NAV2: variants seen among roughly 807,000 people sequenced by gnomAD.
The protein encoded by NAV2 is neuron navigator 2.
A neutral mutation model predicts 223.2 loss-of-function variants in NAV2; 54 were observed. That is an observed-to-expected ratio of 0.24 (90% CI 0.19 to 0.30). The LOEUF is 0.30. Among genes scored for constraint, NAV2 ranks in the 10% least tolerant of loss-of-function variants. The pLI, the probability that NAV2 is intolerant of heterozygous loss-of-function variation, is 1.00. For synonymous variants in NAV2, 1,279 were observed against 1,239.3 expected, an observed-to-expected ratio of 1.03 and a Z score of -0.67; for missense variants, 2,806 against 3,147.5, an observed-to-expected ratio of 0.89 and a Z score of 2.60.
chr11:19,748,222 A>G (rs1258022759), intron 1 of NAV2, among the ~76,000 whole-genome samples: 1 of 152,142 alleles, frequency 6.6e-6, no homozygotes, highest in Non-Finnish European at 1.5e-5. Context: ...GTGCCCTGGG[A>G]TTTTCACATC....
At chr11:19,491,290 G>A (rs573475604) in intron 1 of NAV2, among the ~76,000 whole-genome samples, 18 of 152,292 alleles carry the variant, frequency 1.2e-4, no homozygotes, top group African/African-American at 3.6e-4. Flanking sequence ...CTCCTCTCTA[G>A]CTATGAAAGT....
chr11:19,584,736 C>T (rs1326030063), intron 1 of NAV2, among the ~76,000 whole-genome samples: 1 of 152,168 alleles, frequency 6.6e-6, no homozygotes, highest in Non-Finnish European at 1.5e-5. Flanking sequence ...GCACTGTGGT[C>T]TGAGAGACAG....
At chr11:20,041,664 C>T (rs2056927728) in intron 12 of NAV2, among the ~76,000 whole-genome samples, 1 of 152,144 alleles carries the variant, frequency 6.6e-6, no homozygotes, top group Non-Finnish European at 1.5e-5. Flanking sequence ...TTGTTCATTG[C>T]AGTATTCCTA....
rs115815919 is a variant in NAV2 at position 19,401,539 on chromosome 11, G to T, written c.75+50512G>T. Among the ~76,000 whole-genome samples the T allele has an allele frequency of 3.7e-3, 564 of 152,308 alleles. 1 individual carries two copies. The highest frequency in any genetic ancestry group is 0.013 in the African/African-American group (538 of 41,562). ...GCCTTAGACATTAGAGCGAGACAGG[G>T]ATATGTCTGGATCTTCAATGTACAG... On this transcript the variant is annotated intron_variant, in intron 1 of 37. Coordinates refer to the NAV2 transcript ENST00000360655.
chr11:19,453,600 C>T (rs1330526268), intron 1 of NAV2, among the ~76,000 whole-genome samples: 1 of 152,156 alleles, frequency 6.6e-6, no homozygotes, highest in Non-Finnish European at 1.5e-5. Flanking sequence ...ATCTATGTGG[C>T]CTTGCCCAAA....
At chr11:19,625,755 A>G (rs2047152043) in intron 1 of NAV2, among the ~76,000 whole-genome samples, 1 of 152,036 alleles carries the variant, frequency 6.6e-6, no homozygotes, top group African/African-American at 2.4e-5. Context: ...CTGGGGTGAG[A>G]TGACACCCCA....
chr11:19,654,279 G>A (rs1173317431), intron 1 of NAV2, among the ~76,000 whole-genome samples: 1 of 152,164 alleles, frequency 6.6e-6, no homozygotes, highest in Non-Finnish European at 1.5e-5. Flanking sequence ...ATGCTCATGG[G>A]TAGGAAGAAT....
At chr11:19,869,870 C>T (rs1233506669) in intron 4 of NAV2, among the ~76,000 whole-genome samples, 1 of 152,140 alleles carries the variant, frequency 6.6e-6, no homozygotes, top group East Asian at 1.9e-4. Context: ...CCAAATTGAG[C>T]AGGTAAGTTT....
At chr11:19,914,389 CCT>C (rs1183734850) in intron 6 of NAV2, among the ~76,000 whole-genome samples, 7 of 152,074 alleles carry the variant, frequency 4.6e-5, no homozygotes, top group Non-Finnish European at 7.3e-5. Context: ...GTGTAATATC[CCT>C]CTCTTACCCA....
chr11:19,917,281 C>G (rs1290697647), intron 6 of NAV2, among the ~76,000 whole-genome samples: 1 of 152,146 alleles, frequency 6.6e-6, no homozygotes, highest in East Asian at 1.9e-4. Flanking sequence ...TGCTGGTTTC[C>G]AAGAGATACG....
intron 1 of NAV2, among the ~76,000 whole-genome samples, chr11:19,590,294 A>C (rs998695093): frequency 6.6e-6 from 1 of 152,148 alleles, no homozygotes; most frequent in Non-Finnish European, 1.5e-5. Flanking sequence ...GGGGGTTTTA[A>C]ACCTTAAACC....
At chr11:19,377,753 T>C (rs1211634994) in intron 1 of NAV2, among the ~76,000 whole-genome samples, 3 of 152,156 alleles carry the variant, frequency 2.0e-5, no homozygotes, top group African/African-American at 7.2e-5. Flanking sequence ...TTAGAATATG[T>C]ATTGGGAAGG....
chr11:19,771,928 A>G (rs1214844467), intron 1 of NAV2, among the ~76,000 whole-genome samples: 3 of 152,082 alleles, frequency 2.0e-5, no homozygotes, highest in African/African-American at 7.2e-5. Flanking sequence ...CCAGTGTTCC[A>G]AGGCTGACCT....
At chr11:19,470,651 C>T (rs1283472348) in intron 1 of NAV2, among the ~76,000 whole-genome samples, 1 of 151,964 alleles carries the variant, frequency 6.6e-6, no homozygotes, top group Non-Finnish European at 1.5e-5. Flanking sequence ...AACACTGTTA[C>T]ATAGGGGATT....
chr11:19,805,222 G>A (rs1400279704), intron 1 of NAV2, among the ~76,000 whole-genome samples: 1 of 152,164 alleles, frequency 6.6e-6, no homozygotes, highest in Non-Finnish European at 1.5e-5. Context: ...GATGGGTGAT[G>A]GCTGATTCAG....
At chr11:20,042,322 T>C (rs995720117) in intron 12 of NAV2, among the ~76,000 whole-genome samples, 12 of 152,192 alleles carry the variant, frequency 7.9e-5, no homozygotes, top group African/African-American at 2.9e-4. Flanking sequence ...AAAGCGTGTG[T>C]TCCTTGGCTC....
intron 1 of NAV2, among the ~76,000 whole-genome samples, chr11:19,424,975 T>C (rs2133538472): frequency 6.6e-6 from 1 of 152,342 alleles, no homozygotes; most frequent in Middle Eastern, 3.4e-3. Context: ...TGGGAATTCA[T>C]TTATTCTTCC....
rs1449576014 is a variant in NAV2 at position 20,003,388 on chromosome 11, AG to A, written c.2768+19142del. Among the ~76,000 whole-genome samples the A allele has an allele frequency of 6.6e-5, 10 of 152,318 alleles. No homozygotes were observed. In the East Asian group the frequency reaches 1.9e-3, roughly 29 times the overall value. ...GTTAGTTGATACAGCTGATTCAGAG[AG>A]ACTAGGTCTTTTGTCCGGAATCACA... is the stretch of plus-strand genomic sequence containing the variant. On this transcript the variant is annotated intron_variant, in intron 11 of 37. Coordinates refer to ENST00000349880, the MANE Select transcript of NAV2 (RefSeq NM_145117.5).
chr11:19,987,746 T>C (rs2050926577), intron 11 of NAV2, among the ~76,000 whole-genome samples: 1 of 152,246 alleles, frequency 6.6e-6, no homozygotes, highest in Non-Finnish European at 1.5e-5. Context: ...AGTGTGCCCT[T>C]GATCTCTTGT....
Sources: gnomAD v4.1 joint callset for allele counts (sites outside exome capture counted in the v4.1 genomes callset) on GRCh38, gnomAD v4.1.1 for gene constraint, MANE v1.5 for transcripts, NCBI Gene and HGNC (gene_info 2026-07-23, HGNC 2026-07-21) for gene names.